Variants in OR2A1 observed in about 807,000 individuals in gnomAD.
OR2A1 encodes olfactory receptor family 2 subfamily A member 1.
For missense variants in OR2A1, 1 was observed against 212.3 expected (o/e 0.00, Z 6.19); for synonymous variants, 2 against 94.7 (o/e 0.02, Z 5.68).
rs1231378130 is a variant in OR2A1, at chr7:144,320,365, A to G, written c.*1308A>G. ...ACTATACTTGGTTCTGGGTGGTAAG[A>G]TCCAGAACAAAGACATCTCTAGTTC... On this transcript the variant is annotated 3_prime_UTR_variant, in exon 2 of 2. Coordinates refer to ENST00000641044, the MANE Select transcript of OR2A1 (RefSeq NM_001005287.2). 1.5e-5 allele frequency: 2 copies of G among 130,254 alleles called. No individual in the cohort carries two copies. Among genetic ancestry groups the G allele is most frequent in the Admixed American group, 7.6e-5 (1 of 13,080 alleles). The allele number at this position is 130,254 out of a possible 1,614,324, so 8.1% of individuals were successfully genotyped here. A position where few individuals can be genotyped will look rare whatever the true frequency, so the allele number is the denominator to read the frequency against.
chr7:144,321,809 G>A lies in OR2A1; in HGVS notation c.*2752G>A, dbSNP rs1341098619. ...TGTTATGATTACCCTGCTGTCAGAA[G>A]TTATTTTAATCCTGTCAGGGTTGCT... On this transcript the variant is annotated 3_prime_UTR_variant, in exon 2 of 2. Coordinates refer to ENST00000641044, the MANE Select transcript of OR2A1 (RefSeq NM_001005287.2). The A allele has an allele frequency of 1.3e-4, 19 of 148,818 alleles. No homozygotes were observed. Among genetic ancestry groups the A allele is most frequent in the South Asian group, 4.2e-4 (2 of 4,774 alleles). The allele number at this position is 148,818 out of a possible 1,614,324, so 9.2% of individuals were successfully genotyped here. A position where few individuals can be genotyped will look rare whatever the true frequency, so the allele number is the denominator to read the frequency against.
chr7:144,317,639 GTCTT>G (rs2053106426), intron 1 of OR2A1, among the ~76,000 whole-genome samples: 1 of 106,782 alleles, frequency 9.4e-6, no homozygotes. Context: ...ATTGTTTTTT[GTCTT>G]TCTACTTCTT....
intron 1 of OR2A1, among the ~76,000 whole-genome samples, chr7:144,313,228 T>C (rs1226292734): frequency 9.7e-6 from 1 of 102,582 alleles, no homozygotes; most frequent in Non-Finnish European, 2.0e-5. Context: ...TTCATTAATG[T>C]TTTGCTTTCT....
In OR2A1 at chr7:144,313,368, A is replaced by G. The variant is rs557493989; in HGVS notation, c.-5+821A>G. ...CTTACTAGATCAATAAATCAAATGAATGAATGAATGCCTAAATATCATTTT... is the reference window on the plus strand; with the variant it reads ...CTTACTAGATCAATAAATCAAATGAGTGAATGAATGCCTAAATATCATTTT... On this transcript the variant is annotated intron_variant, in intron 1 of 1. Transcript: ENST00000641044. Among the ~76,000 whole-genome samples, 6 of 83,574 alleles carry G rather than the reference A, an allele frequency of 7.2e-5. No homozygotes were observed. The South Asian group carries it at 2.1e-3, about 30-fold the overall frequency. 54.8% of individuals were successfully genotyped at this position (83,574 alleles called of 152,430 possible). A position where few individuals can be genotyped will look rare whatever the true frequency, so the allele number is the denominator to read the frequency against.
At chr7:144,316,011 T>G (rs1238367002) in intron 1 of OR2A1, among the ~76,000 whole-genome samples, 3 of 128,824 alleles carry the variant, frequency 2.3e-5, no homozygotes, top group Admixed American at 8.7e-5. Flanking sequence ...AAAAAATAAA[T>G]AAATAAATAA....
rs2053162521 is a variant in OR2A1 at position 144,321,539 on chromosome 7, T to A, written c.*2482T>A. 6.6e-6 allele frequency: 1 copy of A among 151,926 alleles called. No homozygotes were observed. The highest frequency in any genetic ancestry group is 1.5e-5 in the Non-Finnish European group (1 of 68,464). 9.4% of individuals were successfully genotyped at this position (151,926 alleles called of 1,614,324 possible). A position where few individuals can be genotyped will look rare whatever the true frequency, so the allele number is the denominator to read the frequency against. On this transcript the variant is annotated 3_prime_UTR_variant, in exon 2 of 2. Transcript: ENST00000641044. ...CATCCAAGAAGCCCACGATGCTGCCTACCCCTTAAATACACAAGGTGCGTA... is the reference window on the plus strand; with the variant it reads ...CATCCAAGAAGCCCACGATGCTGCCAACCCCTTAAATACACAAGGTGCGTA...
rs1458112531 is a variant in OR2A1, at chr7:144,322,622, G to A, written c.*3565G>A. The A allele has an allele frequency of 6.7e-6, 1 of 150,144 alleles. No homozygotes were observed. The highest frequency in any genetic ancestry group is 1.5e-5 in the Non-Finnish European group (1 of 67,628). 9.3% of individuals were successfully genotyped at this position (150,144 alleles called of 1,614,324 possible). A position where few individuals can be genotyped will look rare whatever the true frequency, so the allele number is the denominator to read the frequency against. ...TGAATCAAGACCAGGCAGTCTGACT[G>A]TAAATAAATTCTGAGCCACTCTCTT... On this transcript the variant is annotated 3_prime_UTR_variant, in exon 2 of 2. Coordinates refer to ENST00000641044, the MANE Select transcript of OR2A1 (RefSeq NM_001005287.2).
At position 144,322,249 on chromosome 7, in the gene OR2A1, A is replaced by G. The variant is rs1587008256; in HGVS notation, c.*3192A>G. 6.8e-6 allele frequency: 1 copy of G among 146,638 alleles called. No homozygotes were observed. The highest frequency in any genetic ancestry group is 1.5e-5 in the Non-Finnish European group (1 of 66,802). The allele number at this position is 146,638 out of a possible 1,614,324, so 9.1% of individuals were successfully genotyped here. On this transcript the variant is annotated 3_prime_UTR_variant, in exon 2 of 2. Coordinates refer to ENST00000641044, the MANE Select transcript of OR2A1 (RefSeq NM_001005287.2). Reference sequence around the variant, plus strand: ...CACTGGTTCATCTCTTTACACCTATACATTCCTAGCACAGAGTGAGTACTC... The same window carrying G: ...CACTGGTTCATCTCTTTACACCTATGCATTCCTAGCACAGAGTGAGTACTC...
In OR2A1 at chr7:144,321,796, C is replaced by T. The variant is rs2053167889; in HGVS notation, c.*2739C>T. ...ACATAAGATAAACTGTTATGATTAC[C>T]CTGCTGTCAGAAGTTATTTTAATCC... is the stretch of plus-strand genomic sequence containing the variant. On this transcript the variant is annotated 3_prime_UTR_variant, in exon 2 of 2. Transcript: ENST00000641044. 1 of 148,774 alleles carries T rather than the reference C, an allele frequency of 6.7e-6. No individual in the cohort carries two copies. Among genetic ancestry groups the T allele is most frequent in the Non-Finnish European group, 1.5e-5 (1 of 67,482 alleles). The allele number at this position is 148,774 out of a possible 1,614,324, so 9.2% of individuals were successfully genotyped here.
rs2053166656 is a variant in OR2A1, at chr7:144,321,738, T to C, written c.*2681T>C. Reference sequence around the variant, plus strand: ...CCAAAGCAAGATGCAAATGGACACATTTTTTTTCTGAAGACTTAAAAGTGC... The same window carrying C: ...CCAAAGCAAGATGCAAATGGACACACTTTTTTTCTGAAGACTTAAAAGTGC... On this transcript the variant is annotated 3_prime_UTR_variant, in exon 2 of 2. Coordinates refer to ENST00000641044, the MANE Select transcript of OR2A1 (RefSeq NM_001005287.2). The C allele has an allele frequency of 6.7e-6, 1 of 148,260 alleles. No homozygotes were observed. Among genetic ancestry groups the C allele is most frequent in the Non-Finnish European group, 1.5e-5 (1 of 67,368 alleles). The allele number at this position is 148,260 out of a possible 1,614,324, so 9.2% of individuals were successfully genotyped here.
chr7:144,313,539 A>G (rs1193058243), intron 1 of OR2A1, among the ~76,000 whole-genome samples: 1 of 69,416 alleles, frequency 1.4e-5, no homozygotes, highest in Non-Finnish European at 2.5e-5. Context: ...AGTTTCTTTC[A>G]TTCTATGTGA....
upstream of OR2A1, chr7:144,312,322 C>A (rs1229977837): frequency 1.4e-5 from 1 of 72,780 alleles, no homozygotes; most frequent in Non-Finnish European, 2.5e-5. Flanking sequence ...GAGAATAACA[C>A]CTCCTTTTCT....
At chr7:144,315,666 G>A (rs1171273437) in intron 1 of OR2A1, among the ~76,000 whole-genome samples, 1 of 90,030 alleles carries the variant, frequency 1.1e-5, no homozygotes, top group East Asian at 3.2e-4. Flanking sequence ...GTTACAAAAG[G>A]AAATAATGAA....
In OR2A1 at chr7:144,321,433, T is replaced by C. The variant is rs1305897022; in HGVS notation, c.*2376T>C. 2 of 147,930 alleles carry C rather than the reference T, an allele frequency of 1.4e-5. No homozygotes were observed. The highest frequency in any genetic ancestry group is 3.0e-5 in the Non-Finnish European group (2 of 67,366). 9.2% of individuals were successfully genotyped at this position (147,930 alleles called of 1,614,324 possible). A position where few individuals can be genotyped will look rare whatever the true frequency, so the allele number is the denominator to read the frequency against. On this transcript the variant is annotated 3_prime_UTR_variant, in exon 2 of 2. Coordinates refer to ENST00000641044, the MANE Select transcript of OR2A1 (RefSeq NM_001005287.2). ...CCAGAGGAGCAGCAGGAAATCATGG[T>C]GTGCAGAAACCATGCTCAGGCGGTT...
At chr7:144,313,008 C>T (rs1449479298) in intron 1 of OR2A1, among the ~76,000 whole-genome samples, 1 of 64,642 alleles carries the variant, frequency 1.5e-5, no homozygotes, top group Non-Finnish European at 2.9e-5. Flanking sequence ...AATTAATCTT[C>T]ACAACCACCT....
intron 1 of OR2A1, among the ~76,000 whole-genome samples, chr7:144,313,416 G>GTTTGTTTT: frequency 2.5e-5 from 2 of 80,152 alleles, no homozygotes; most frequent in African/African-American, 6.2e-5. Context: ...GTTGTTGTTT[G>GTTTGTTTT]TTTTTTTACC....
rs1294924513 is a variant in OR2A1, at chr7:144,321,821, C to T, written c.*2764C>T. Reference sequence around the variant, plus strand: ...CCTGCTGTCAGAAGTTATTTTAATCCTGTCAGGGTTGCTAAACTTTCTGAT... The same window carrying T: ...CCTGCTGTCAGAAGTTATTTTAATCTTGTCAGGGTTGCTAAACTTTCTGAT... On this transcript the variant is annotated 3_prime_UTR_variant, in exon 2 of 2. Transcript: ENST00000641044. 1 of 148,264 alleles carries T rather than the reference C, an allele frequency of 6.7e-6. No homozygotes were observed. The highest frequency in any genetic ancestry group is 1.5e-5 in the Non-Finnish European group (1 of 67,352). 9.2% of individuals were successfully genotyped at this position (148,264 alleles called of 1,614,324 possible). A position where few individuals can be genotyped will look rare whatever the true frequency, so the allele number is the denominator to read the frequency against.
In OR2A1 at chr7:144,312,934, A is replaced by T. The variant is rs1287750245; in HGVS notation, c.-5+387A>T. 2.7e-4 allele frequency among the ~76,000 whole-genome samples: 13 copies of T among 48,800 alleles called. 1 individual carries two copies. Among genetic ancestry groups the T allele is most frequent in the African/African-American group, 1.1e-3 (13 of 12,192 alleles). 32.0% of individuals were successfully genotyped at this position (48,800 alleles called of 152,430 possible). A position where few individuals can be genotyped will look rare whatever the true frequency, so the allele number is the denominator to read the frequency against. ...AATTGTTAAAGACTGATAATAATTG[A>T]TCTCAGCCATTAAGTGTTCACTGCA... is the stretch of plus-strand genomic sequence containing the variant. On this transcript the variant is annotated intron_variant, in intron 1 of 1. Transcript: ENST00000641044.
At chr7:144,313,565 A>T (rs2053046897) in intron 1 of OR2A1, among the ~76,000 whole-genome samples, 1 of 87,558 alleles carries the variant, frequency 1.1e-5, no homozygotes, top group African/African-American at 5.1e-5. Flanking sequence ...AGAAAATCTC[A>T]TTTAAATGCA....
Sources: gnomAD v4.1 joint callset for allele counts (sites outside exome capture counted in the v4.1 genomes callset) on GRCh38, gnomAD v4.1.1 for gene constraint, MANE v1.5 for transcripts, NCBI Gene and HGNC (gene_info 2026-07-23, HGNC 2026-07-21) for gene names.